Variants in PLS1 observed in about 807,000 individuals in gnomAD.
PLS1 encodes plastin-1.
PLS1 carries 32 observed loss-of-function variants against 73.7 expected under a neutral mutation model. That is an observed-to-expected ratio of 0.43 (90% CI 0.33 to 0.58). The LOEUF is 0.58. Among genes scored for constraint, PLS1 ranks in the 20% least tolerant of loss-of-function variants. The pLI, the probability that PLS1 is intolerant of heterozygous loss-of-function variation, is 0.04. For synonymous variants in PLS1, 217 were observed against 261.3 expected (o/e 0.83, Z 1.63); for missense variants, 633 against 740.5 (o/e 0.85, Z 1.68).
chr3:142,695,757 CTTACTTA>C (rs1387364096), intron 11 of PLS1, among the ~76,000 whole-genome samples: 1 of 135,026 alleles, frequency 7.4e-6, no homozygotes, highest in African/African-American at 3.0e-5. Flanking sequence ...AGTAAGGAGA[CTTACTTA>C]TTTATTTATT....
chr3:142,666,642 A>G lies in PLS1; in HGVS notation c.70+2335A>G, dbSNP rs577350369. Reference sequence around the variant, plus strand: ...ATACCTGTTGAAGTCCCTGCTTTCAATTATTTTGAGTGTAAACATAGTAGC... The same window carrying G: ...ATACCTGTTGAAGTCCCTGCTTTCAGTTATTTTGAGTGTAAACATAGTAGC... On this transcript the variant is annotated intron_variant, in intron 2 of 15. Coordinates refer to ENST00000457734, the MANE Select transcript of PLS1 (RefSeq NM_001145319.2). 2.0e-5 allele frequency among the ~76,000 whole-genome samples: 3 copies of G among 152,280 alleles called. No homozygotes were observed. The South Asian group carries it at 6.2e-4, about 32-fold the overall frequency.
At chr3:142,690,580 A>T (rs1296357510) in intron 10 of PLS1, among the ~76,000 whole-genome samples, 1 of 152,230 alleles carries the variant, frequency 6.6e-6, no homozygotes, top group African/African-American at 2.4e-5. Context: ...TTGTAAACAC[A>T]TTAGAACTCA....
chr3:142,704,635 ATTTTTTTTTTTTTTT>A (rs10631186), intron 14 of PLS1, 49 bp downstream of exon 14: 86 of 261,962 alleles, frequency 3.3e-4, no homozygotes, highest in African/African-American at 8.2e-4. Flanking sequence ...ATAGGAAGGA[ATTTTTTTTTTTTTTT>A]TTTTTTTTTT....
chr3:142,609,543 G>C (rs553799831), intron 1 of PLS1, among the ~76,000 whole-genome samples: 1 of 152,358 alleles, frequency 6.6e-6, no homozygotes, highest in African/African-American at 2.4e-5. Flanking sequence ...CTAGAAATAA[G>C]AGGGAGCACA....
chr3:142,652,484 T>C (rs2037119263), intron 1 of PLS1, among the ~76,000 whole-genome samples: 1 of 152,188 alleles, frequency 6.6e-6, no homozygotes, highest in African/African-American at 2.4e-5. Flanking sequence ...TTTGTGCCCC[T>C]TGGACAAGCT....
intron 1 of PLS1, among the ~76,000 whole-genome samples, chr3:142,642,103 TAA>T (rs1277530620): frequency 1.3e-5 from 2 of 152,164 alleles, no homozygotes; most frequent in African/African-American, 4.8e-5. Flanking sequence ...TGTATTTTAT[TAA>T]ACATTTCTAC....
At chr3:142,619,791 G>A (rs2036282157) in intron 1 of PLS1, among the ~76,000 whole-genome samples, 1 of 152,104 alleles carries the variant, frequency 6.6e-6, no homozygotes, top group African/African-American at 2.4e-5. Flanking sequence ...TCTCATATAA[G>A]CAAGTAAAAC....
At chr3:142,675,067 A>G (rs1423083676) in intron 4 of PLS1, among the ~76,000 whole-genome samples, 1 of 152,134 alleles carries the variant, frequency 6.6e-6, no homozygotes, top group African/African-American at 2.4e-5. Flanking sequence ...AATTCCATTG[A>G]AATTGAGCTG....
chr3:142,696,572 A>AG (rs2038210446), intron 11 of PLS1, among the ~76,000 whole-genome samples: 2 of 152,006 alleles, frequency 1.3e-5, no homozygotes, highest in South Asian at 2.1e-4. Context: ...CAAAACAGCT[A>AG]GATTTTCACT....
chr3:142,604,552 A>G (rs1252491207), intron 1 of PLS1, among the ~76,000 whole-genome samples: 3 of 152,182 alleles, frequency 2.0e-5, no homozygotes, highest in Non-Finnish European at 4.4e-5. Flanking sequence ...TTTCATCAGA[A>G]GTTGTCATGG....
chr3:142,657,156 T>G (rs920075010), intron 1 of PLS1: 1 of 152,312 alleles, frequency 6.6e-6, no homozygotes, highest in African/African-American at 2.4e-5. Context: ...AAACACCCCT[T>G]GGCTTAGTCG....
intron 5 of PLS1, among the ~76,000 whole-genome samples, chr3:142,677,393 C>T (rs930672911): frequency 6.6e-6 from 1 of 152,136 alleles, no homozygotes; most frequent in Non-Finnish European, 1.5e-5. Flanking sequence ...TGCCTGTAAT[C>T]TCAGCACTTT....
At chr3:142,670,561 G>C (rs557535146) in intron 3 of PLS1, among the ~76,000 whole-genome samples, 10 of 152,242 alleles carry the variant, frequency 6.6e-5, no homozygotes, top group African/African-American at 2.4e-4. Flanking sequence ...TCCAGTGAGA[G>C]AGTGATTGGG....
chr3:142,665,279 T>TA (rs142241902), intron 2 of PLS1, among the ~76,000 whole-genome samples: 900 of 68,660 alleles, frequency 0.013, 4 homozygotes, highest in Non-Finnish European at 0.02. Context: ...ACGATATGTT[T>TA]AAAAAAAAAA....
chr3:142,624,016 G>T (rs1482986311), intron 1 of PLS1, among the ~76,000 whole-genome samples: 1 of 152,066 alleles, frequency 6.6e-6, no homozygotes, highest in Non-Finnish European at 1.5e-5. Flanking sequence ...GATGGAAACA[G>T]CTCTTCCAGT....
At chr3:142,679,754 C>A (rs1043311013) in intron 6 of PLS1, among the ~76,000 whole-genome samples, 34 of 152,144 alleles carry the variant, frequency 2.2e-4, no homozygotes, top group Non-Finnish European at 2.1e-4. Flanking sequence ...CTTGGCAATG[C>A]GGGCTCTTTT....
intron 1 of PLS1, among the ~76,000 whole-genome samples, chr3:142,609,691 A>T (rs980353808): frequency 1.3e-5 from 2 of 152,268 alleles, no homozygotes; most frequent in African/African-American, 4.8e-5. Context: ...TTGATAAAAA[A>T]TTGTAAGTGA....
At chr3:142,607,253 C>T (rs2036038794) in intron 1 of PLS1, among the ~76,000 whole-genome samples, 1 of 152,046 alleles carries the variant, frequency 6.6e-6, no homozygotes, top group African/African-American at 2.4e-5. Context: ...TACTCCCACA[C>T]TGACATACTG....
intron 8 of PLS1, 85 bp downstream of exon 8, chr3:142,684,480 T>A: frequency 9.1e-7 from 1 of 1,097,072 alleles, no homozygotes; most frequent in Non-Finnish European, 1.3e-6. Flanking sequence ...AAATTTGAAT[T>A]AAATTCACAA....
Sources: allele counts gnomAD v4.1 joint callset (sites outside exome capture counted in the v4.1 genomes callset), GRCh38; gene constraint gnomAD v4.1.1; transcripts MANE v1.5; gene names NCBI Gene and HGNC (gene_info 2026-07-23, HGNC 2026-07-21).